PTPRD: variants seen among roughly 807,000 people sequenced by gnomAD.
PTPRD encodes receptor-type tyrosine-protein phosphatase delta.
A neutral mutation model predicts 214.5 loss-of-function variants in PTPRD; 34 were observed. That is an observed-to-expected ratio of 0.16 (90% confidence interval 0.12 to 0.21). The LOEUF (loss-of-function observed/expected upper bound fraction) is 0.21. PTPRD is among the 10% of genes least tolerant of loss of function. PTPRD has a pLI of 1.00. For missense variants in PTPRD, 2,545 were observed against 2,398.7 expected (o/e 1.06, Z -1.27); for synonymous variants, 1,128 against 845.7 (o/e 1.33, Z -5.79).
intron 2 of PTPRD, among the ~76,000 whole-genome samples, chr9:10,388,293 T>G (rs2154488794): frequency 6.6e-6 from 1 of 151,874 alleles, no homozygotes; most frequent in Admixed American, 6.6e-5. Context: ...CATTATTCTC[T>G]TCCCAAATGG....
intron 3 of PTPRD, among the ~76,000 whole-genome samples, chr9:10,293,979 C>T (rs1198370697): frequency 6.6e-6 from 1 of 151,890 alleles, no homozygotes; most frequent in African/African-American, 2.4e-5. Context: ...AAATGTGTGA[C>T]AGATTTTCAC....
chr9:9,882,419 G>C (rs2069060990), intron 5 of PTPRD, among the ~76,000 whole-genome samples: 1 of 152,078 alleles, frequency 6.6e-6, no homozygotes, highest in South Asian at 2.1e-4. Context: ...GGTGAAGTTG[G>C]TTTCTTCTGC....
chr9:10,169,202 C>G (rs918614920), intron 3 of PTPRD, among the ~76,000 whole-genome samples: 1 of 151,918 alleles, frequency 6.6e-6, no homozygotes, highest in Non-Finnish European at 1.5e-5. Context: ...AGGCCGGGCG[C>G]GGTGGCTCAC....
At chr9:10,440,486 C>T (rs970338724) in intron 2 of PTPRD, among the ~76,000 whole-genome samples, 1 of 151,536 alleles carries the variant, frequency 6.6e-6, no homozygotes, top group Non-Finnish European at 1.5e-5. Flanking sequence ...AAAGGGTGGT[C>T]TGGAGATTTG....
At chr9:9,820,309 T>A (rs1439643510) in intron 5 of PTPRD, among the ~76,000 whole-genome samples, 1 of 152,164 alleles carries the variant, frequency 6.6e-6, no homozygotes, top group Non-Finnish European at 1.5e-5. Context: ...TCTGTTCTTA[T>A]ATTTTGCCCA....
At chr9:10,286,442 A>C in intron 3 of PTPRD, among the ~76,000 whole-genome samples, 1 of 152,260 alleles carries the variant, frequency 6.6e-6, no homozygotes, top group South Asian at 2.1e-4. Flanking sequence ...ACCTCATTAG[A>C]AAATAAATAC....
At chr9:8,491,266 T>C (rs1387074122) in intron 27 of PTPRD, among the ~76,000 whole-genome samples, 5 of 152,212 alleles carry the variant, frequency 3.3e-5, no homozygotes, top group Admixed American at 2.0e-4. Flanking sequence ...ATTCTATATG[T>C]GAATAAGTTC....
At chr9:8,579,709 T>C (rs1020200879) in intron 14 of PTPRD, among the ~76,000 whole-genome samples, 12 of 152,220 alleles carry the variant, frequency 7.9e-5, no homozygotes, top group African/African-American at 2.9e-4. Context: ...AAAGGCTTCA[T>C]AGAGTAAGGT....
At chr9:8,658,920 TG>T (rs2096971284) in intron 12 of PTPRD, among the ~76,000 whole-genome samples, 1 of 152,174 alleles carries the variant, frequency 6.6e-6, no homozygotes, top group Non-Finnish European at 1.5e-5. Context: ...AAAATGCTAA[TG>T]AGGCTCCAAA....
intron 4 of PTPRD, among the ~76,000 whole-genome samples, chr9:9,940,085 T>G (rs969458885): frequency 1.3e-5 from 2 of 152,160 alleles, no homozygotes; most frequent in East Asian, 1.9e-4. Flanking sequence ...GTGGGCTGTA[T>G]GTGGGGAAAC....
At chr9:8,373,304 C>T (rs976980353) in intron 39 of PTPRD, among the ~76,000 whole-genome samples, 4 of 151,878 alleles carry the variant, frequency 2.6e-5, no homozygotes, top group Admixed American at 2.6e-4. Context: ...TGACATGACC[C>T]TCCTAAATAA....
At chr9:10,327,076 T>C (rs2096656383) in intron 3 of PTPRD, among the ~76,000 whole-genome samples, 2 of 150,796 alleles carry the variant, frequency 1.3e-5, no homozygotes, top group African/African-American at 4.8e-5. Context: ...TAAGAGGCAC[T>C]GAAGACATTA....
rs578092180 is a variant in PTPRD, at chr9:10,414,156, G to A, written c.-599-73139C>T. 2.5e-3 allele frequency among the ~76,000 whole-genome samples: 382 copies of A among 152,050 alleles called. 3 individuals carry two copies. The highest frequency in any genetic ancestry group is 8.8e-3 in the African/African-American group (364 of 41,514). On this transcript the variant is annotated intron_variant, in intron 2 of 45. Transcript: ENST00000381196. The stretch of plus-strand genomic sequence containing the variant: ...GGCACAGCGAAAGCAACTATCAGCA[G>A]AGTAAAGAGACAACCTACAGAATGG...
chr9:8,401,712 TAAACA>T (rs2092422085), intron 36 of PTPRD, among the ~76,000 whole-genome samples: 1 of 152,186 alleles, frequency 6.6e-6, no homozygotes, highest in African/African-American at 2.4e-5. Context: ...CTTGCTCTAC[TAAACA>T]AATATAAAGA....
intron 2 of PTPRD, among the ~76,000 whole-genome samples, chr9:10,517,084 T>G (rs949035343): frequency 3.9e-5 from 6 of 152,040 alleles, no homozygotes; most frequent in Non-Finnish European, 7.4e-5. Context: ...ATTTTAGATT[T>G]TTTTTCTATT....
intron 18 of PTPRD, among the ~76,000 whole-genome samples, chr9:8,523,962 G>T (rs1400101958): frequency 6.6e-6 from 1 of 152,092 alleles, no homozygotes; most frequent in Non-Finnish European, 1.5e-5. Context: ...TTTTCTTAAG[G>T]GAACCCATCC....
At chr9:8,879,989 G>A (rs2098428682) in intron 11 of PTPRD, among the ~76,000 whole-genome samples, 1 of 152,214 alleles carries the variant, frequency 6.6e-6, no homozygotes, top group Non-Finnish European at 1.5e-5. Context: ...TTAAGTCAGA[G>A]TTTTCAATTT....
chr9:9,391,128 A>C (rs1249803366), intron 9 of PTPRD, among the ~76,000 whole-genome samples: 1 of 150,712 alleles, frequency 6.6e-6, no homozygotes, highest in Non-Finnish European at 1.5e-5. Flanking sequence ...ATATGAAATG[A>C]ATGGAGGGTT....
At chr9:8,763,046 G>A (rs2094504160) in intron 11 of PTPRD, among the ~76,000 whole-genome samples, 1 of 152,128 alleles carries the variant, frequency 6.6e-6, no homozygotes, top group South Asian at 2.1e-4. Context: ...CAGGATCCTG[G>A]CTCAGATATA....
Sources: gnomAD v4.1 joint callset for allele counts (sites outside exome capture counted in the v4.1 genomes callset) on GRCh38, gnomAD v4.1.1 for gene constraint, MANE v1.5 for transcripts, NCBI Gene and HGNC (gene_info 2026-07-23, HGNC 2026-07-21) for gene names.